The following PTPRD variants were observed in gnomAD, a reference collection of about 807,000 sequenced individuals.
PTPRD encodes receptor-type tyrosine-protein phosphatase delta.
Under a neutral mutation model 214.5 loss-of-function variants are expected in PTPRD, and 34 were observed. The observed-to-expected ratio is 0.16, with a 90% CI of 0.12 to 0.21. PTPRD has a LOEUF of 0.21. Among genes scored for constraint, PTPRD ranks in the 10% least tolerant of loss-of-function variants. The pLI is 1.00. For synonymous variants in PTPRD, 1,128 were observed against 845.7 expected, an observed-to-expected ratio of 1.33 and a Z score of -5.79; for missense variants, 2,545 against 2,398.7, an observed-to-expected ratio of 1.06 and a Z score of -1.27.
intron 35 of PTPRD, among the ~76,000 whole-genome samples, chr9:8,412,768 T>A (rs1427523112): frequency 2.0e-5 from 3 of 152,144 alleles, no homozygotes; most frequent in Non-Finnish European, 4.4e-5. Flanking sequence ...AACAAATAAA[T>A]CTATTTCTGC....
At chr9:9,727,751 A>C (rs2098119545) in intron 7 of PTPRD, among the ~76,000 whole-genome samples, 1 of 152,190 alleles carries the variant, frequency 6.6e-6, no homozygotes, top group Non-Finnish European at 1.5e-5. Flanking sequence ...TGTTTAATGA[A>C]TGCTATCCTG....
At chr9:10,347,768 G>A (rs537719521) in intron 2 of PTPRD, among the ~76,000 whole-genome samples, 1 of 151,944 alleles carries the variant, frequency 6.6e-6, no homozygotes, top group Admixed American at 6.5e-5. Flanking sequence ...ATTTTGAAAT[G>A]TACAATAGGC....
intron 7 of PTPRD, among the ~76,000 whole-genome samples, chr9:9,685,722 T>G (rs909221777): frequency 6.6e-6 from 1 of 151,274 alleles, no homozygotes; most frequent in Non-Finnish European, 1.5e-5. Flanking sequence ...AAAAAAACTT[T>G]GAAAAGTAAA....
chr9:9,171,741 T>C (rs1388485848), intron 10 of PTPRD, among the ~76,000 whole-genome samples: 1 of 152,058 alleles, frequency 6.6e-6, no homozygotes, highest in Non-Finnish European at 1.5e-5. Context: ...ATTTTATATA[T>C]ATATGAAAAA....
chr9:9,186,672 C>CAG (rs1463682750), intron 9 of PTPRD, among the ~76,000 whole-genome samples: 1 of 151,694 alleles, frequency 6.6e-6, no homozygotes, highest in Non-Finnish European at 1.5e-5. Context: ...CTCTCACACA[C>CAG]ACACACACAA....
intron 11 of PTPRD, chr9:8,962,717 G>A (rs1421108513): frequency 6.6e-6 from 1 of 152,136 alleles, no homozygotes. Context: ...AAGGAGGGCT[G>A]AAGAGAAAAT....
At chr9:9,405,012 T>A (rs2072705933) in intron 8 of PTPRD, among the ~76,000 whole-genome samples, 1 of 152,092 alleles carries the variant, frequency 6.6e-6, no homozygotes, top group Non-Finnish European at 1.5e-5. Context: ...CATTTCTGGA[T>A]TCAGGATAAC....
intron 8 of PTPRD, among the ~76,000 whole-genome samples, chr9:9,426,905 T>C (rs1191185645): frequency 6.6e-6 from 1 of 152,100 alleles, no homozygotes; most frequent in African/African-American, 2.4e-5. Context: ...ACCCCATCTG[T>C]ACGTCACCAT....
intron 9 of PTPRD, among the ~76,000 whole-genome samples, chr9:9,221,242 C>A (rs138323759): frequency 2.5e-3 from 373 of 152,196 alleles, no homozygotes; most frequent in African/African-American, 8.6e-3. Flanking sequence ...ATCTTTCTTG[C>A]TCAGCCAATC....
Position 9,501,451 on chromosome 9 carries a change from T to A in PTPRD, c.-237+73281A>T, listed in dbSNP as rs533660349. Among the ~76,000 whole-genome samples the A allele has an allele frequency of 2.7e-4, 41 of 152,030 alleles. 1 individual carries two copies. In the South Asian group the frequency reaches 8.5e-3, roughly 32 times the overall value. ...CAATCATATATGTGTATGCACCTAA[T>A]AACAGAGTTTAAATATCTATAAAAA... is the stretch of plus-strand genomic sequence containing the variant. On this transcript the variant is annotated intron_variant, in intron 8 of 45. Transcript: ENST00000381196.
intron 3 of PTPRD, among the ~76,000 whole-genome samples, chr9:10,113,955 A>G (rs765097974): frequency 6.6e-6 from 1 of 152,208 alleles, no homozygotes; most frequent in Non-Finnish European, 1.5e-5. Flanking sequence ...GAATGTTTGT[A>G]AAAAATGAAA....
At chr9:8,321,993 T>A (rs560382330) in intron 44 of PTPRD, among the ~76,000 whole-genome samples, 95 of 150,974 alleles carry the variant, frequency 6.3e-4, no homozygotes, top group African/African-American at 1.9e-3. Context: ...AATTTTTTCA[T>A]ACTATTACAT....
At chr9:9,647,852 T>A (rs572057051) in intron 7 of PTPRD, among the ~76,000 whole-genome samples, 2 of 152,314 alleles carry the variant, frequency 1.3e-5, no homozygotes, top group South Asian at 4.1e-4. Flanking sequence ...GAAGTTCAAA[T>A]TAAAAGTTCT....
chr9:10,467,616 CAATTAT>C (rs1241846200), intron 2 of PTPRD, among the ~76,000 whole-genome samples: 5 of 151,828 alleles, frequency 3.3e-5, no homozygotes, highest in Non-Finnish European at 7.4e-5. Context: ...ATTAAAATTA[CAATTAT>C]ATCAATATAT....
intron 3 of PTPRD, among the ~76,000 whole-genome samples, chr9:10,337,476 A>C (rs1156897922): frequency 1.3e-5 from 2 of 151,744 alleles, no homozygotes; most frequent in Non-Finnish European, 3.0e-5. Context: ...AGTATAGTTT[A>C]ATAGGTCCTA....
At chr9:10,100,691 A>C (rs1009702060) in intron 3 of PTPRD, among the ~76,000 whole-genome samples, 4 of 151,620 alleles carry the variant, frequency 2.6e-5, no homozygotes, top group African/African-American at 9.7e-5. Context: ...AGCGTTACAG[A>C]TTGGGAAGTA....
At chr9:9,565,888 A>G (rs1266787292) in intron 8 of PTPRD, among the ~76,000 whole-genome samples, 1 of 151,980 alleles carries the variant, frequency 6.6e-6, no homozygotes, top group Non-Finnish European at 1.5e-5. Flanking sequence ...AAGTAACCCT[A>G]CTTAAACCCC....
chr9:9,795,371 T>C (rs1019957388), intron 5 of PTPRD, among the ~76,000 whole-genome samples: 3 of 152,346 alleles, frequency 2.0e-5, no homozygotes, highest in Middle Eastern at 3.4e-3. Context: ...TTTGAAATAC[T>C]GTTATAGGGC....
intron 8 of PTPRD, among the ~76,000 whole-genome samples, chr9:9,456,814 G>C (rs1459187695): frequency 6.6e-6 from 1 of 151,824 alleles, no homozygotes; most frequent in Non-Finnish European, 1.5e-5. Context: ...TAAATGTGGG[G>C]GTTATAATTT....
Sources: allele counts gnomAD v4.1 joint callset (sites outside exome capture counted in the v4.1 genomes callset), GRCh38; gene constraint gnomAD v4.1.1; transcripts MANE v1.5; gene names NCBI Gene and HGNC (gene_info 2026-07-23, HGNC 2026-07-21).